Variants in HEATR3 observed in about 807,000 individuals in gnomAD.
The protein encoded by HEATR3 is HEAT repeat-containing protein 3.
Under a neutral mutation model 72.8 loss-of-function variants are expected in HEATR3, and 56 were observed. That is an observed-to-expected ratio of 0.77 (90% CI 0.62 to 0.96). The LOEUF is 0.96. HEATR3 is among the 40% of genes least tolerant of loss of function. The probability of loss-of-function intolerance (pLI) is 0.00; values close to 1 mark genes in which losing one functional copy is unlikely to be tolerated. For synonymous variants in HEATR3, 331 were observed against 318.1 expected (o/e 1.04, Z -0.43); for missense variants, 747 against 831.4 (o/e 0.90, Z 1.25).
At chr16:50,094,903 T>C in intron 12 of HEATR3, 110 bp downstream of exon 12, 2 of 573,490 alleles carry the variant, frequency 3.5e-6, no homozygotes, top group Non-Finnish European at 6.1e-6. Context: ...ACAAGAATAA[T>C]ATGTGATCTT....
chr16:50,081,906 T>A (rs752805496), intron 7 of HEATR3, among the ~76,000 whole-genome samples: 19 of 152,248 alleles, frequency 1.2e-4, no homozygotes, highest in Non-Finnish European at 2.8e-4. Context: ...CTGTACTGAT[T>A]ATTTTGAAGC....
chr16:50,099,535 C>T (rs967056914), intron 12 of HEATR3, among the ~76,000 whole-genome samples: 2 of 152,156 alleles, frequency 1.3e-5, no homozygotes, highest in African/African-American at 4.8e-5. Context: ...CTCCAGATTC[C>T]AAGCCTTTGT....
intron 4 of HEATR3, among the ~76,000 whole-genome samples, chr16:50,072,397 C>T (rs2036631750): frequency 6.6e-6 from 1 of 152,224 alleles, no homozygotes. Context: ...GAAAAGGTCC[C>T]ATTGTGATAG....
intron 4 of HEATR3, among the ~76,000 whole-genome samples, chr16:50,072,250 T>C (rs543631398): frequency 1.3e-5 from 2 of 152,264 alleles, no homozygotes; most frequent in African/African-American, 4.8e-5. Context: ...AAATGTGTGC[T>C]CTTTGATGGG....
intron 11 of HEATR3, among the ~76,000 whole-genome samples, chr16:50,092,436 CTTTTTT>C (rs375532097): frequency 3.8e-5 from 4 of 106,030 alleles, no homozygotes; most frequent in Non-Finnish European, 5.3e-5. Context: ...TTTCTTTTTT[CTTTTTT>C]TTTTTTTTTT....
intron 5 of HEATR3, among the ~76,000 whole-genome samples, chr16:50,075,145 T>C (rs1365571145): frequency 1.3e-5 from 2 of 151,956 alleles, no homozygotes; most frequent in African/African-American, 4.8e-5. Flanking sequence ...GGTGAAACCC[T>C]GTCTCTACTA....
At chr16:50,097,455 T>C (rs1361185337) in intron 12 of HEATR3, among the ~76,000 whole-genome samples, 2 of 151,938 alleles carry the variant, frequency 1.3e-5, no homozygotes, top group African/African-American at 4.8e-5. Context: ...TTGTATTTCA[T>C]TCCATTATAG....
rs371898147 is a variant in HEATR3, at chr16:50,088,082, G to A, written c.1510+1731G>A. Among the ~76,000 whole-genome samples the A allele has an allele frequency of 6.6e-5, 10 of 152,180 alleles. No individual in the cohort carries two copies. The East Asian group carries it at 1.5e-3, about 24-fold the overall frequency. ...GCGGAGGTTGTGGTGAGCCAAGATC[G>A]CGCCATTGCACTCCAGCCTGGGCAA... On this transcript the variant is annotated intron_variant, in intron 11 of 14. Coordinates refer to ENST00000299192, the MANE Select transcript of HEATR3 (RefSeq NM_182922.4).
At chr16:50,088,567 A>G (rs939931735) in intron 11 of HEATR3, among the ~76,000 whole-genome samples, 9 of 152,234 alleles carry the variant, frequency 5.9e-5, no homozygotes, top group African/African-American at 1.7e-4. Context: ...AGCAGACCAG[A>G]TGATGGCTGT....
chr16:50,081,599 G>A (rs1158607056), intron 7 of HEATR3, among the ~76,000 whole-genome samples: 1 of 152,226 alleles, frequency 6.6e-6, no homozygotes, highest in Non-Finnish European at 1.5e-5. Flanking sequence ...TAACATGCTA[G>A]TCGGTCAGCC....
chr16:50,094,808 A>AT lies in HEATR3; in HGVS notation c.1599+21dup. 1.3e-6 allele frequency: 2 copies of AT among 1,530,876 alleles called. No individual in the cohort carries two copies. The highest frequency in any genetic ancestry group is 1.2e-5 in the South Asian group (1 of 82,790). 94.8% of individuals were successfully genotyped at this position (1,530,876 alleles called of 1,614,324 possible). On this transcript the variant is annotated intron_variant, in intron 12 of 14. Transcript: ENST00000299192. ...ACATTTCCCAGGTAAGAGTTTTAAAATTTTTTGTATGAAACTTGTAAAGAT... is the reference window on the plus strand; with the variant it reads ...ACATTTCCCAGGTAAGAGTTTTAAAATTTTTTTGTATGAAACTTGTAAAGAT...
At chr16:50,101,471 C>T (rs78422311) in intron 13 of HEATR3, among the ~76,000 whole-genome samples, 3,058 of 152,206 alleles carry the variant, frequency 0.02, 89 homozygotes, top group African/African-American at 0.07. Context: ...TTTACAGTTG[C>T]CTCAAAATTA....
At chr16:50,101,843 G>C (rs764022131) in intron 13 of HEATR3, among the ~76,000 whole-genome samples, 4 of 152,158 alleles carry the variant, frequency 2.6e-5, no homozygotes, top group Non-Finnish European at 5.9e-5. Flanking sequence ...GCCTCACAAA[G>C]TTCTGAACTT....
At chr16:50,094,461 G>A (rs976766675) in intron 11 of HEATR3, among the ~76,000 whole-genome samples, 4 of 152,210 alleles carry the variant, frequency 2.6e-5, no homozygotes, top group South Asian at 2.1e-4. Context: ...GTCAAGGACT[G>A]TCTGTAGAAC....
intron 2 of HEATR3, 113 bp downstream of exon 2, chr16:50,066,652 G>T: frequency 1.0e-6 from 1 of 990,420 alleles, no homozygotes; most frequent in South Asian, 4.3e-5. Context: ...GCACTGGCCC[G>T]GTCTCCCGTT....
intron 14 of HEATR3, among the ~76,000 whole-genome samples, chr16:50,102,894 C>G (rs927537510): frequency 6.6e-6 from 1 of 152,112 alleles, no homozygotes; most frequent in African/African-American, 2.4e-5. Context: ...TCCCAAGTAG[C>G]TGGGATTACA....
At position 50,066,029 on chromosome 16, in the gene HEATR3, C is replaced by A; in HGVS notation, c.-103C>A. ...CATGTGTGCTGCAGCCGTCAGCCGG[C>A]CCAGCTGAGCAGCAGCAACGGACCT... is the stretch of plus-strand genomic sequence containing the variant. On this transcript the variant is annotated 5_prime_UTR_variant, in exon 1 of 15. Transcript: ENST00000299192. 7.8e-7 allele frequency: 1 copy of A among 1,286,900 alleles called. No homozygotes were observed. The highest frequency in any genetic ancestry group is 1.1e-6 in the Non-Finnish European group (1 of 948,014). The allele number at this position is 1,286,900 out of a possible 1,614,324, so 79.7% of individuals were successfully genotyped here.
At chr16:50,095,952 A>C (rs1252891144) in intron 12 of HEATR3, among the ~76,000 whole-genome samples, 2 of 152,136 alleles carry the variant, frequency 1.3e-5, no homozygotes, top group Non-Finnish European at 2.9e-5. Context: ...GATATTTCTT[A>C]TTATCCTTTG....
Position 50,086,367 on chromosome 16 carries a change from T to G in HEATR3, c.1510+16T>G. 6.2e-7 allele frequency: 1 copy of G among 1,601,350 alleles called. No individual in the cohort carries two copies. Among genetic ancestry groups the G allele is most frequent in the Non-Finnish European group, 8.5e-7 (1 of 1,174,544 alleles). ...TCTCAACCAGGTATTTAGACTTTAT[T>G]GCGAAAGACTACGCAGACGGAACAG... is the stretch of plus-strand genomic sequence containing the variant. On this transcript the variant is annotated intron_variant, in intron 11 of 14. Transcript: ENST00000299192.
Sources: allele counts gnomAD v4.1 joint callset (sites outside exome capture counted in the v4.1 genomes callset), GRCh38; gene constraint gnomAD v4.1.1; transcripts MANE v1.5; gene names NCBI Gene and HGNC (gene_info 2026-07-23, HGNC 2026-07-21).